The following ALOX12B variants were observed in gnomAD, a reference collection of about 807,000 sequenced individuals.
ALOX12B encodes arachidonate 12-lipoxygenase, 12R type.
ALOX12B carries 47 observed loss-of-function variants against 78.9 expected under a neutral mutation model. The observed-to-expected ratio is 0.60, with a 90% CI of 0.47 to 0.76. The LOEUF is 0.76. Ranked by LOEUF, ALOX12B falls within the 30% of genes least tolerant of loss-of-function variation. The pLI, the probability that ALOX12B is intolerant of heterozygous loss-of-function variation, is 0.00. For synonymous variants in ALOX12B, 370 were observed against 374.5 expected, an observed-to-expected ratio of 0.99 and a Z score of 0.14; for missense variants, 805 against 922.6, an observed-to-expected ratio of 0.87 and a Z score of 1.65.
In ALOX12B at chr17:8,081,118, T is replaced by A; in HGVS notation, c.422A>T (p.Gln141Leu). 6.2e-7 allele frequency: 1 copy of A among 1,613,676 alleles called. No homozygotes were observed. The highest frequency in any genetic ancestry group is 8.5e-7 in the Non-Finnish European group (1 of 1,179,962). ...EHRKEEIRAK[Q>L]DFYHWRVFLP... ...CCCGCCCCCTCACTGGTAGAAGTCC[T>A]GCTTGGCTCTGATCTCCTCTTTTCT... The change falls in exon 3 of 15, where the codon CAG becomes CTG. Residue 141 changes from glutamine (Q) to leucine (L), a missense_variant. Physicochemically the swap from Gln to Leu is moderately radical, Grantham distance 113 (BLOSUM62 -2). Coordinates refer to ENST00000647874, the MANE Select transcript of ALOX12B (RefSeq NM_001139.3).
Position 8,079,411 on chromosome 17 carries a change from C to A in ALOX12B, c.1056G>T (p.Met352Ile), listed in dbSNP as rs753215009. The change falls in exon 8 of 15, where the codon ATG (methionine) becomes ATT (isoleucine). Residue 352 changes from methionine (M) to isoleucine (I), a missense_variant. Coordinates refer to ENST00000647874, the MANE Select transcript of ALOX12B (RefSeq NM_001139.3). The surrounding 1 kb of genome is among the most constrained non-coding windows in gnomAD (Gnocchi z 6.4). ...LLHFGPEGKM[M>I]PIAIQLSQTP... ...GCCCAGGCACCTGGATGGCGATGGG[C>A]ATCATCTTGCCCTCGGGTCCAAAGT... The A allele has an allele frequency of 6.4e-7, 1 of 1,552,536 alleles. No homozygotes were observed. The highest frequency in any genetic ancestry group is 1.2e-5 in the South Asian group (1 of 84,178).
chr17:8,079,870 G>A lies in ALOX12B; in HGVS notation c.826C>T (p.Leu276=). The A allele has an allele frequency of 1.2e-6, 2 of 1,613,440 alleles. No homozygotes were observed. Among genetic ancestry groups the A allele is most frequent in the Non-Finnish European group, 1.7e-6 (2 of 1,179,966 alleles). Residue 276 remains leucine, a synonymous_variant, in exon 7 of 15, where the codon CTG becomes TTG. Coordinates refer to ENST00000647874, the MANE Select transcript of ALOX12B (RefSeq NM_001139.3). The surrounding 1 kb of genome is among the most constrained non-coding windows in gnomAD (Gnocchi z 6.4). ...YQYLNGVNPG[L]IRRCTRIPDK... ...GGGATCCGCGTGCAGCGGCGGATCA[G>A]GCCGGGGTTGACGCCGTTGAGGTAC...
chr17:8,080,244 C>A lies in ALOX12B; in HGVS notation c.745G>T (p.Val249Phe), dbSNP rs1977184322. Reference protein sequence around the residue: ...IRKIFPGKKSVVSEYVAEHWA... With the variant: ...IRKIFPGKKSFVSEYVAEHWA... Reference sequence around the variant, plus strand: ...ACGCCCCATTCCATACCGGAGACGACAGATTTCTTGCCAGGGAAAATTTTC... The same window carrying A: ...ACGCCCCATTCCATACCGGAGACGAAAGATTTCTTGCCAGGGAAAATTTTC... Residue 249 changes from valine (V) to phenylalanine (F), a missense_variant, in exon 6 of 15, where the codon GTC becomes TTC. Physicochemically the swap from Val to Phe is conservative, Grantham distance 50. Coordinates refer to ENST00000647874, the MANE Select transcript of ALOX12B (RefSeq NM_001139.3). This position sits in a 1 kb window ranked among gnomAD's most constrained non-coding sequence, Gnocchi z 4.8. 1 of 1,614,188 alleles carries A rather than the reference C, an allele frequency of 6.2e-7. No homozygotes were observed. Among genetic ancestry groups the A allele is most frequent in the Middle Eastern group, 1.6e-4 (1 of 6,062 alleles).
chr17:8,074,758 G>T (rs944552411), intron 12 of ALOX12B, among the ~76,000 whole-genome samples: 2 of 152,106 alleles, frequency 1.3e-5, no homozygotes, highest in Non-Finnish European at 2.9e-5. Context: ...ACCTCCCCAC[G>T]TCCCACCCTA....
Position 8,079,494 on chromosome 17 carries a change from G to A in ALOX12B, c.973C>T (p.Pro325Ser). ...TTCCGGCCGCTGAGCTCCACGGTGG[G>A]GATGCCCTCCATGATGCGGTAGTCG... Reference protein sequence around the residue: ...LADYRIMEGIPTVELSGRKQH... With the variant: ...LADYRIMEGISTVELSGRKQH... The change falls in exon 8 of 15, where the codon CCC becomes TCC. Residue 325 changes from proline to serine, a missense_variant. Pro to Ser is a moderately conservative substitution (Grantham distance 74, BLOSUM62 -1). Transcript: ENST00000647874. This position sits in a 1 kb window ranked among gnomAD's most constrained non-coding sequence, Gnocchi z 6.4. The A allele has an allele frequency of 6.4e-7, 1 of 1,551,006 alleles. No homozygotes were observed. Among genetic ancestry groups the A allele is most frequent in the Non-Finnish European group, 8.7e-7 (1 of 1,146,980 alleles).
intron 2 of ALOX12B, 152 bp from the exon 3 acceptor site, chr17:8,081,339 C>T (rs1294763564): frequency 1.3e-6 from 1 of 742,762 alleles, no homozygotes; most frequent in Non-Finnish European, 2.4e-6. Flanking sequence ...GAAGGTGCGT[C>T]CTGTCCGGAA....
At chr17:8,073,797 C>A (rs771514376) in intron 12 of ALOX12B, 40 bp from the exon 13 acceptor site, 1 of 1,536,922 alleles carries the variant, frequency 6.5e-7, no homozygotes, top group East Asian at 2.3e-5. Context: ...ATCAGTCGTG[C>A]CCTGGTACTG....
chr17:8,073,527 G>T (rs1977024693), intron 13 of ALOX12B, 130 bp downstream of exon 13: 4 of 1,076,158 alleles, frequency 3.7e-6, no homozygotes, highest in Middle Eastern at 2.1e-4. Context: ...GTTGGGACTG[G>T]AGTTGAAGCT....
intron 2 of ALOX12B, 100 bp from the exon 3 acceptor site, chr17:8,081,287 G>A (rs1206078332): frequency 8.0e-7 from 1 of 1,244,740 alleles, no homozygotes; most frequent in Non-Finnish European, 1.2e-6. Flanking sequence ...GTCTCTGGGG[G>A]GGCCCATGAC....
chr17:8,085,926 C>T, intron 2 of ALOX12B, 90 bp downstream of exon 2: 1 of 1,514,932 alleles, frequency 6.6e-7, no homozygotes, highest in Non-Finnish European at 9.1e-7. Flanking sequence ...CCCCCTCTGG[C>T]TTGATGGGAG....
In ALOX12B at chr17:8,076,314, C is replaced by T. The variant is rs1567981534; in HGVS notation, c.1393G>A (p.Gly465Arg). Residue 465 changes from glycine (G) to arginine (R), a missense_variant, in exon 11 of 15, where the codon GGG becomes AGG. Gly to Arg is a moderately radical substitution (Grantham distance 125). Transcript: ENST00000647874. Reference protein sequence around the residue: ...GMSLGVEGFAGVMVRALSELT... With the variant: ...GMSLGVEGFARVMVRALSELT... ...TCCGACAGAGCCCGTACCATCACCC[C>T]AGCAAAGCCTTCCACGCCCAGGGAC... The T allele has an allele frequency of 4.3e-6, 7 of 1,611,162 alleles. No homozygotes were observed. Among genetic ancestry groups the T allele is most frequent in the Non-Finnish European group, 5.9e-6 (7 of 1,178,672 alleles).
rs1567980597 is a variant in ALOX12B at position 8,073,718 on chromosome 17, C to T, written c.1694G>A (p.Arg565Gln). 6.2e-7 allele frequency: 1 copy of T among 1,613,894 alleles called. No homozygotes were observed. Among genetic ancestry groups the T allele is most frequent in the African/African-American group, 1.3e-5 (1 of 74,954 alleles). ...GGTGTAGATGACTATAGTGACATAT[C>T]GGATCAGCTCAGGCACGGTTCGCAA... Reference protein sequence around the residue: ...RCLRTVPELIRYVTIVIYTCS... With the variant: ...RCLRTVPELIQYVTIVIYTCS... Residue 565 changes from arginine (R) to glutamine (Q), a missense_variant, in exon 13 of 15, where the codon CGA becomes CAA. Coordinates refer to ENST00000647874, the MANE Select transcript of ALOX12B (RefSeq NM_001139.3).
chr17:8,079,251 G>C lies in ALOX12B; in HGVS notation c.1071+145C>G. On this transcript the variant is annotated intron_variant, in intron 8 of 14. Coordinates refer to ENST00000647874, the MANE Select transcript of ALOX12B (RefSeq NM_001139.3). The surrounding 1 kb of genome is among the most constrained non-coding windows in gnomAD (Gnocchi z 6.4). ...AGCATCTGCAGATTTTGGCATCCCG[G>C]GGAGGTCCTGGAACCAATCTCTCAA... 1.6e-6 allele frequency: 2 copies of C among 1,248,254 alleles called. No homozygotes were observed. Among genetic ancestry groups the C allele is most frequent in the Non-Finnish European group, 2.2e-6 (2 of 928,072 alleles). 77.3% of individuals were successfully genotyped at this position (1,248,254 alleles called of 1,614,324 possible).
chr17:8,087,497 C>T lies in ALOX12B; in HGVS notation c.-55G>A. 6.2e-7 allele frequency: 1 copy of T among 1,612,302 alleles called. No homozygotes were observed. The highest frequency in any genetic ancestry group is 8.5e-7 in the Non-Finnish European group (1 of 1,179,906). On this transcript the variant is annotated 5_prime_UTR_variant, in exon 1 of 15. Coordinates refer to ENST00000647874, the MANE Select transcript of ALOX12B (RefSeq NM_001139.3). ...TCAGTCCCAGACACCGTGGAGGGGCCACACGAAGGCCCAAGGCAGGCAAGA... is the reference window on the plus strand; with the variant it reads ...TCAGTCCCAGACACCGTGGAGGGGCTACACGAAGGCCCAAGGCAGGCAAGA...
rs1233776328 is a variant in ALOX12B at position 8,079,927 on chromosome 17, G to C, written c.769C>G (p.His257Asp). 5.0e-6 allele frequency: 8 copies of C among 1,612,374 alleles called. No homozygotes were observed. Among genetic ancestry groups the C allele is most frequent in the Non-Finnish European group, 5.9e-6 (7 of 1,179,452 alleles). The change falls in exon 7 of 15, where the codon CAC (histidine) becomes GAC (aspartate). Residue 257 changes from histidine to aspartate, a missense_variant. His to Asp is a moderately conservative substitution (Grantham distance 81, BLOSUM62 -1). Coordinates refer to ENST00000647874, the MANE Select transcript of ALOX12B (RefSeq NM_001139.3). This position sits in a 1 kb window ranked among gnomAD's most constrained non-coding sequence, Gnocchi z 6.4. ...CCAAAGAAGGTGTCCTCTGCCCAGTGCTCGGCCACGTACTCTGCGAGGACG... is the reference window on the plus strand; with the variant it reads ...CCAAAGAAGGTGTCCTCTGCCCAGTCCTCGGCCACGTACTCTGCGAGGACG... ...KSVVSEYVAEHWAEDTFFGYQ... is the reference protein window; with the variant it reads ...KSVVSEYVAEDWAEDTFFGYQ...
At position 8,079,753 on chromosome 17, in the gene ALOX12B, C is replaced by T. The variant is rs1310480146; in HGVS notation, c.927+16G>A. The T allele has an allele frequency of 3.1e-6, 5 of 1,608,322 alleles. No homozygotes were observed. In the South Asian group the frequency reaches 5.5e-5, roughly 18 times the overall value. On this transcript the variant is annotated intron_variant, in intron 7 of 14. Transcript: ENST00000647874. This position sits in a 1 kb window ranked among gnomAD's most constrained non-coding sequence, Gnocchi z 6.4. ...GCCGGGAGGAGGGCCGGGGTCTCCG[C>T]CGGAGCGGGCCTCACCTCCAGCTCC...
chr17:8,079,587 C>A lies in ALOX12B; in HGVS notation c.928-48G>T. 1 of 1,546,352 alleles carries A rather than the reference C, an allele frequency of 6.5e-7. No homozygotes were observed. The highest frequency in any genetic ancestry group is 8.7e-7 in the Non-Finnish European group (1 of 1,144,770). ...GGCAAGTAGGCACCCACACGGGAAGCCCGTGACCCGCGCCGCAGGTGCACA... is the reference window on the plus strand; with the variant it reads ...GGCAAGTAGGCACCCACACGGGAAGACCGTGACCCGCGCCGCAGGTGCACA... On this transcript the variant is annotated intron_variant, in intron 7 of 14. Transcript: ENST00000647874. The surrounding 1 kb of genome is among the most constrained non-coding windows in gnomAD (Gnocchi z 6.4).
Position 8,086,201 on chromosome 17 carries a change from T to C in ALOX12B, c.167A>G (p.Gln56Arg), listed in dbSNP as rs1038790129. 8 of 1,613,938 alleles carry C rather than the reference T, an allele frequency of 5.0e-6. No individual in the cohort carries two copies. The Admixed American group carries it at 5.0e-5, about 10-fold the overall frequency. The change falls in exon 2 of 15, where the codon CAG becomes CGG. Residue 56 changes from glutamine (Q) to arginine (R), a missense_variant. Transcript: ENST00000647874. ...ATGAVGQYTV[Q>R]CPQDLGELII... The stretch of plus-strand genomic sequence containing the variant: ...GAGCTCACCCAGGTCCTGAGGGCAC[T>C]GCACGGTGTACTGGCCCACCTAGGC...
chr17:8,087,608 C>A lies in ALOX12B; in HGVS notation c.-166G>T. Reference sequence around the variant, plus strand: ...GAGGTGGGGTGACTAGGCCTGCCAGCCAAATTCTGGAAAAGCTGCTGCCCT... The same window carrying A: ...GAGGTGGGGTGACTAGGCCTGCCAGACAAATTCTGGAAAAGCTGCTGCCCT... On this transcript the variant is annotated 5_prime_UTR_variant, in exon 1 of 15. Transcript: ENST00000647874. 1 of 1,188,816 alleles carries A rather than the reference C, an allele frequency of 8.4e-7. No homozygotes were observed. The highest frequency in any genetic ancestry group is 2.1e-5 in the Admixed American group (1 of 48,158). The allele number at this position is 1,188,816 out of a possible 1,614,324, so 73.6% of individuals were successfully genotyped here.
Sources: allele counts gnomAD v4.1 joint callset (sites outside exome capture counted in the v4.1 genomes callset), GRCh38; gene constraint gnomAD v4.1.1; non-coding constraint Gnocchi (gnomAD v3.1); transcripts MANE v1.5; gene names NCBI Gene and HGNC (gene_info 2026-07-23, HGNC 2026-07-21).